The following TYW1B variants were observed in gnomAD, a reference collection of about 807,000 sequenced individuals.
The protein encoded by TYW1B is S-adenosyl-L-methionine-dependent tRNA 4-demethylwyosine synthase TYW1B.
Under a neutral mutation model 86.9 loss-of-function variants are expected in TYW1B, and 73 were observed. The observed-to-expected ratio is 0.84, with a 90% CI of 0.70 to 1.02. The LOEUF is 1.02. TYW1B is among the 50% of genes least tolerant of loss of function. The pLI is 0.00. For missense variants in TYW1B, 637 were observed against 827.4 expected (o/e 0.77, Z 2.82); for synonymous variants, 248 against 292.8 (o/e 0.85, Z 1.56).
intron 7 of TYW1B, among the ~76,000 whole-genome samples, chr7:72,776,097 T>C (rs1554470484): frequency 6.6e-6 from 1 of 151,828 alleles, no homozygotes; most frequent in Non-Finnish European, 1.5e-5. Context: ...CAGCGAGCCA[T>C]GATCATACCA....
rs1554476932 is a variant in TYW1B, at chr7:72,807,246, G to A, written c.543C>T (p.Ala181=). 1 of 1,614,070 alleles carries A rather than the reference G, an allele frequency of 6.2e-7. No individual in the cohort carries two copies. Residue 181 remains alanine (A), a synonymous_variant, in exon 5 of 14, where the codon GCC becomes GCT. Transcript: ENST00000620995. ...VVKSKHGSIE[A]NFRAWKTKFI... is the part of the protein sequence containing the mutation. ...ACTTGGTCTTCCATGCTCTGAAGTT[G>A]GCCTCAATGCTGCCGTGCTTGCTTT...
chr7:72,720,865 A>G (rs1786884512), intron 9 of TYW1B, among the ~76,000 whole-genome samples: 1 of 152,022 alleles, frequency 6.6e-6, no homozygotes, highest in South Asian at 2.1e-4. Flanking sequence ...CGTCATTTAC[A>G]TTAGGTGTAT....
intron 10 of TYW1B, among the ~76,000 whole-genome samples, chr7:72,704,747 T>C (rs775454365): frequency 6.6e-6 from 1 of 152,104 alleles, no homozygotes; most frequent in Admixed American, 6.6e-5. Context: ...TCATTATTAT[T>C]ATTATTATCA....
intron 12 of TYW1B, among the ~76,000 whole-genome samples, chr7:72,627,831 C>A (rs1400855059): frequency 2.0e-5 from 3 of 152,194 alleles, no homozygotes; most frequent in African/African-American, 7.2e-5. Flanking sequence ...AACATGCAAT[C>A]AACAAAATCT....
intron 7 of TYW1B, among the ~76,000 whole-genome samples, chr7:72,765,236 C>T (rs1390190470): frequency 1.3e-5 from 2 of 152,136 alleles, no homozygotes; most frequent in Non-Finnish European, 2.9e-5. Context: ...GGCTTCCTAG[C>T]TCAGGAGGTT....
rs370644310 is a variant in TYW1B at position 72,676,115 on chromosome 7, T to C, written c.1506+18572A>G. 7.7e-4 allele frequency among the ~76,000 whole-genome samples: 118 copies of C among 152,294 alleles called. 1 individual carries two copies. Among genetic ancestry groups the C allele is most frequent in the African/African-American group, 2.5e-3 (106 of 41,578 alleles). ...GGTTCAAATACCAGTTTGATTTTAG[T>C]GGCTGGTATTCAGGTTCCCAGAAAC... On this transcript the variant is annotated intron_variant, in intron 11 of 13. Transcript: ENST00000620995.
At chr7:72,799,385 G>A (rs1416701696) in intron 6 of TYW1B, among the ~76,000 whole-genome samples, 9 of 150,412 alleles carry the variant, frequency 6.0e-5, no homozygotes, top group Admixed American at 4.6e-4. Context: ...CTGGTCTCGA[G>A]CTCCTGACCT....
chr7:72,663,763 A>T (rs1813392687), intron 11 of TYW1B, among the ~76,000 whole-genome samples: 1 of 143,840 alleles, frequency 7.0e-6, no homozygotes, highest in African/African-American at 2.6e-5. Context: ...CTCCATCTCA[A>T]AAAAAAAAAA....
intron 11 of TYW1B, among the ~76,000 whole-genome samples, chr7:72,663,656 A>C (rs201229003): frequency 1.4e-5 from 2 of 142,276 alleles, no homozygotes; most frequent in Non-Finnish European, 1.5e-5. Flanking sequence ...CCCAGCTACT[A>C]GGGAGGCTGA....
intron 3 of TYW1B, among the ~76,000 whole-genome samples, chr7:72,811,420 C>T (rs568244415): frequency 2.2e-3 from 328 of 152,084 alleles, no homozygotes; most frequent in African/African-American, 6.5e-3. Context: ...CAACAGCTCA[C>T]GTTACTGCTT....
At chr7:72,676,968 C>A (rs537114423) in intron 11 of TYW1B, among the ~76,000 whole-genome samples, 2 of 151,398 alleles carry the variant, frequency 1.3e-5, no homozygotes, top group Admixed American at 6.6e-5. Flanking sequence ...AAAAAAAAAA[C>A]CAAACAAACC....
At chr7:72,731,372 C>T (rs1787103441) in intron 8 of TYW1B, among the ~76,000 whole-genome samples, 1 of 95,578 alleles carries the variant, frequency 1.0e-5, no homozygotes, top group South Asian at 3.5e-4. Context: ...AATGTTACCA[C>T]TATGGAAGAC....
At chr7:72,618,205 G>A (rs574651768) in intron 12 of TYW1B, among the ~76,000 whole-genome samples, 241 of 148,728 alleles carry the variant, frequency 1.6e-3, no homozygotes, top group Non-Finnish European at 2.8e-3. Flanking sequence ...CAGACAAATT[G>A]GAGAATGCAG....
intron 6 of TYW1B, among the ~76,000 whole-genome samples, chr7:72,797,353 T>C (rs570095827): frequency 6.6e-6 from 1 of 152,268 alleles, no homozygotes; most frequent in South Asian, 2.1e-4. Flanking sequence ...CCCTGGACAC[T>C]GAAGCTCAGT....
At chr7:72,632,463 A>ATATATATAAAATATATATACG (rs1563039017) in intron 11 of TYW1B, among the ~76,000 whole-genome samples, 4 of 109,882 alleles carry the variant, frequency 3.6e-5, no homozygotes, top group African/African-American at 1.8e-4. Context: ...ATATATATAC[A>ATATATATAAAATATATATACG]TATATATATA....
At chr7:72,810,790 T>C (rs1368955653) in intron 3 of TYW1B, 125 bp from the exon 4 acceptor site, 5 of 1,341,524 alleles carry the variant, frequency 3.7e-6, no homozygotes, top group South Asian at 3.0e-5. Flanking sequence ...ACATGGCTCA[T>C]TTTCGAAAGT....
At chr7:72,611,374 T>C (rs1385180712) in intron 13 of TYW1B, among the ~76,000 whole-genome samples, 10 of 152,126 alleles carry the variant, frequency 6.6e-5, no homozygotes, top group African/African-American at 1.7e-4. Context: ...TTCCCATAAT[T>C]CCCACGTATT....
At chr7:72,709,585 T>C (rs1554454305) in intron 10 of TYW1B, among the ~76,000 whole-genome samples, 1 of 152,110 alleles carries the variant, frequency 6.6e-6, no homozygotes, top group African/African-American at 2.4e-5. Context: ...GGAGAATCAC[T>C]TGAACCCTGG....
chr7:72,729,164 A>C (rs1265677208), intron 8 of TYW1B, among the ~76,000 whole-genome samples: 4 of 152,114 alleles, frequency 2.6e-5, no homozygotes, highest in Non-Finnish European at 1.5e-5. Context: ...CACCTAATTC[A>C]CTCAATTCCA....
Sources: gnomAD v4.1 joint callset for allele counts (sites outside exome capture counted in the v4.1 genomes callset) on GRCh38, gnomAD v4.1.1 for gene constraint, MANE v1.5 for transcripts, NCBI Gene and HGNC (gene_info 2026-07-23, HGNC 2026-07-21) for gene names.